The following SHTN1 variants were observed in gnomAD, a reference collection of about 807,000 sequenced individuals.
SHTN1 encodes the protein shootin 1.
A neutral mutation model predicts 83.1 loss-of-function variants in SHTN1; 42 were observed. That is an observed-to-expected ratio of 0.51 (90% CI 0.39 to 0.65). SHTN1 has a LOEUF of 0.65. Among genes scored for constraint, SHTN1 ranks in the 30% least tolerant of loss-of-function variants. The pLI is 0.00. For missense variants in SHTN1, 622 were observed against 737.8 expected (o/e 0.84, Z 1.82); for synonymous variants, 224 against 247.7 (o/e 0.90, Z 0.90).
At chr10:116,917,018 A>C (rs1428999604) in intron 12 of SHTN1, among the ~76,000 whole-genome samples, 1 of 152,212 alleles carries the variant, frequency 6.6e-6, no homozygotes, top group Non-Finnish European at 1.5e-5. Context: ...AAAGATGACT[A>C]AACTGTGGGT....
intron 1 of SHTN1, among the ~76,000 whole-genome samples, chr10:117,087,186 T>C (rs1191974086): frequency 4.4e-5 from 1 of 22,734 alleles, no homozygotes; most frequent in Non-Finnish European, 3.0e-3. Flanking sequence ...GAAGAATTTC[T>C]GTAAACATAA....
chr10:116,946,540 TATAAATATATAAAATGATTTATATATAA>T (rs1849592252), intron 7 of SHTN1, among the ~76,000 whole-genome samples: 1 of 131,234 alleles, frequency 7.6e-6, no homozygotes, highest in Non-Finnish European at 1.6e-5. Context: ...ATGATTTATA[TATAAATATATAAAATGATTTATATATAA>T]ATATATAAAA....
intron 1 of SHTN1, among the ~76,000 whole-genome samples, chr10:116,988,995 A>G (rs1486917725): frequency 5.3e-5 from 8 of 152,168 alleles, no homozygotes; most frequent in African/African-American, 1.9e-4. Flanking sequence ...TAAAATACAT[A>G]TATTTTTTGG....
At chr10:117,039,850 C>CA (rs71013633) in intron 2 of SHTN1, among the ~76,000 whole-genome samples, 1,551 of 129,678 alleles carry the variant, frequency 0.012, 36 homozygotes, top group East Asian at 0.055. Flanking sequence ...GAGACTCCAT[C>CA]AAAAAAAAAA....
At chr10:116,905,369 G>A (rs1847930378) in intron 15 of SHTN1, among the ~76,000 whole-genome samples, 1 of 152,112 alleles carries the variant, frequency 6.6e-6, no homozygotes, top group Admixed American at 6.6e-5. Context: ...AGAAAAAAAT[G>A]TTGTGGTACC....
intron 7 of SHTN1, among the ~76,000 whole-genome samples, chr10:116,948,157 C>T (rs1012046578): frequency 6.6e-6 from 1 of 152,210 alleles, no homozygotes; most frequent in East Asian, 1.9e-4. Context: ...TTTGGCATCA[C>T]TTCCTTGTCT....
chr10:117,004,956 G>A lies in SHTN1; in HGVS notation c.58+66C>T. On this transcript the variant is annotated intron_variant, in intron 1 of 16. Transcript: ENST00000355371. ...CCGGCTTCCAACTGCCCTGGCCCCA[G>A]CGCCCTGGGGCCGTCCCCGCCCACG... The A allele has an allele frequency of 2.7e-6, 4 of 1,471,358 alleles. No homozygotes were observed. The South Asian group carries it at 3.7e-5, about 13-fold the overall frequency. 91.1% of individuals were successfully genotyped at this position (1,471,358 alleles called of 1,614,324 possible).
chr10:117,047,481 T>C (rs943774098), intron 2 of SHTN1, among the ~76,000 whole-genome samples: 3 of 152,214 alleles, frequency 2.0e-5, no homozygotes, highest in Non-Finnish European at 4.4e-5. Flanking sequence ...GAATATAATA[T>C]GGTCCTAACT....
chr10:116,930,138 T>G (rs1187018132), intron 9 of SHTN1, 136 bp from the exon 10 acceptor site: 1 of 530,448 alleles, frequency 1.9e-6, no homozygotes, highest in Middle Eastern at 5.0e-4. Flanking sequence ...TTAACAACCA[T>G]GCAAATGCTA....
At chr10:117,029,442 AG>A (rs1852375198) in intron 2 of SHTN1, among the ~76,000 whole-genome samples, 2 of 152,174 alleles carry the variant, frequency 1.3e-5, no homozygotes, top group Admixed American at 1.3e-4. Flanking sequence ...TTGCAATGTG[AG>A]AAGTACATGA....
At chr10:117,025,153 A>G (rs1373858157) in intron 2 of SHTN1, among the ~76,000 whole-genome samples, 2 of 152,178 alleles carry the variant, frequency 1.3e-5, no homozygotes, top group Non-Finnish European at 2.9e-5. Flanking sequence ...CATATCACTA[A>G]AAGAGGCACT....
intron 2 of SHTN1, chr10:116,974,074 A>T: frequency 9.3e-7 from 1 of 1,072,294 alleles, no homozygotes; most frequent in Non-Finnish European, 1.1e-6. Flanking sequence ...CTTCCAATTC[A>T]AAGTTCTTTC....
intron 16 of SHTN1, among the ~76,000 whole-genome samples, chr10:116,890,835 G>C (rs1267469451): frequency 6.6e-6 from 1 of 152,226 alleles, no homozygotes; most frequent in Non-Finnish European, 1.5e-5. Context: ...CCATGCCAAC[G>C]CTGAACTTTA....
At chr10:117,027,465 CT>C (rs200455795) in intron 2 of SHTN1, among the ~76,000 whole-genome samples, 2 of 150,110 alleles carry the variant, frequency 1.3e-5, no homozygotes, top group South Asian at 2.1e-4. Context: ...CCAAGCAATC[CT>C]TTTTTTTTAA....
At chr10:117,001,832 C>A (rs943728629) in intron 1 of SHTN1, among the ~76,000 whole-genome samples, 3 of 152,006 alleles carry the variant, frequency 2.0e-5, no homozygotes, top group Non-Finnish European at 2.9e-5. Flanking sequence ...AAGCATGTAA[C>A]AAAATACCCC....
chr10:116,940,558 A>T lies in SHTN1; in HGVS notation c.766T>A (p.Ser256Thr). ...KRQSHLLLQS[S>T]IPDQQLLKAL... The stretch of plus-strand genomic sequence containing the variant: ...TTCAAAAGCTGCTGATCAGGGATGG[A>T]GCTCTGCAGCAGAAGGTGGCTTTGT... Residue 256 changes from serine (S) to threonine (T), a missense_variant, in exon 9 of 17, where the codon TCC becomes ACC. Physicochemically the swap from Ser to Thr is moderately conservative, Grantham distance 58. Transcript: ENST00000355371. 4 of 1,613,744 alleles carry T rather than the reference A, an allele frequency of 2.5e-6. No homozygotes were observed. Among genetic ancestry groups the T allele is most frequent in the Non-Finnish European group, 2.5e-6 (3 of 1,179,770 alleles).
upstream of SHTN1, among the ~76,000 whole-genome samples, chr10:117,009,508 T>C (rs1278980501): frequency 6.6e-6 from 1 of 152,140 alleles, no homozygotes; most frequent in East Asian, 1.9e-4. Flanking sequence ...GGGGTGGTTA[T>C]ATTAATATCA....
At chr10:117,066,251 T>G (rs1462203594) in intron 1 of SHTN1, among the ~76,000 whole-genome samples, 2 of 152,178 alleles carry the variant, frequency 1.3e-5, no homozygotes, top group African/African-American at 2.4e-5. Flanking sequence ...GTCCTAGAAC[T>G]GTATCACCTC....
rs150615231 is a variant in SHTN1, at chr10:116,948,985, T to G, written c.547A>C (p.Lys183Gln). The G allele has an allele frequency of 6.4e-7, 1 of 1,556,532 alleles. No homozygotes were observed. Among genetic ancestry groups the G allele is most frequent in the East Asian group, 2.3e-5 (1 of 43,594 alleles). Residue 183 changes from lysine to glutamine, a missense_variant, in exon 7 of 17, where the codon AAA becomes CAA. Around this residue, in one of 3 missense-constraint regions of SHTN1, gnomAD observed 383 missense variants for 455.8 expected, o/e 0.84. Coordinates refer to ENST00000355371, the MANE Select transcript of SHTN1 (RefSeq NM_001127211.3). ...VEVIEEVNKV[K>Q]QEKTVLNSEV... ...GAATTTAAAACAGTCTTTTCTTGTT[T>G]AACTTTATTTACCTAAAAATGTGAA...
Sources: gnomAD v4.1 joint callset for allele counts (sites outside exome capture counted in the v4.1 genomes callset) on GRCh38, gnomAD v4.1.1 for gene constraint, gnomAD v4.1.1 regional missense constraint, MANE v1.5 for transcripts, NCBI Gene and HGNC (gene_info 2026-07-23, HGNC 2026-07-21) for gene names.